The following PLCH1 variants were observed in gnomAD, a reference collection of about 807,000 sequenced individuals.
PLCH1 encodes the protein 1-phosphatidylinositol 4,5-bisphosphate phosphodiesterase eta-1.
In PLCH1, 60 loss-of-function variants were observed where a neutral mutation model predicts 126.7. The observed-to-expected ratio is 0.47, with a 90% CI of 0.38 to 0.59. The LOEUF is 0.59. Among genes scored for constraint, PLCH1 ranks in the 20% least tolerant of loss-of-function variants. The probability of loss-of-function intolerance (pLI) is 0.00; values close to 1 mark genes in which losing one functional copy is unlikely to be tolerated. For synonymous variants in PLCH1, 719 were observed against 734.9 expected (o/e 0.98, Z 0.35); for missense variants, 1,723 against 2,040.0 (o/e 0.84, Z 2.99).
chr3:155,498,486 G>A (rs1384724606), intron 14 of PLCH1, among the ~76,000 whole-genome samples: 1 of 152,192 alleles, frequency 6.6e-6, no homozygotes, highest in Non-Finnish European at 1.5e-5. Flanking sequence ...GAGTTCTGCT[G>A]TGGAAGGCTG....
chr3:155,653,784 C>T (rs1741051961), intron 2 of PLCH1, among the ~76,000 whole-genome samples: 1 of 152,098 alleles, frequency 6.6e-6, no homozygotes, highest in African/African-American at 2.4e-5. Context: ...TGCCTGTACA[C>T]TCCACTTCTT....
intron 2 of PLCH1, among the ~76,000 whole-genome samples, chr3:155,702,880 G>A (rs938870253): frequency 2.0e-5 from 3 of 152,172 alleles, no homozygotes; most frequent in Admixed American, 6.5e-5. Flanking sequence ...CTTGGCTGAG[G>A]CTAGAGAAAA....
chr3:155,573,648 G>A (rs1729549564), intron 6 of PLCH1, among the ~76,000 whole-genome samples: 1 of 152,170 alleles, frequency 6.6e-6, no homozygotes, highest in Non-Finnish European at 1.5e-5. Context: ...GGGTGAGGAT[G>A]AAATCTTCAA....
chr3:155,570,951 A>T (rs1444182144), intron 6 of PLCH1, among the ~76,000 whole-genome samples: 1 of 151,996 alleles, frequency 6.6e-6, no homozygotes, highest in Non-Finnish European at 1.5e-5. Flanking sequence ...CTTTTCCTTT[A>T]TTTACTGTAG....
At chr3:155,562,247 C>T (rs1727737468) in intron 8 of PLCH1, among the ~76,000 whole-genome samples, 1 of 152,216 alleles carries the variant, frequency 6.6e-6, no homozygotes, top group South Asian at 2.1e-4. Flanking sequence ...ATGATGCTCA[C>T]CCATGACACA....
At chr3:155,632,186 C>A (rs908817975) in intron 2 of PLCH1, among the ~76,000 whole-genome samples, 1 of 152,246 alleles carries the variant, frequency 6.6e-6, no homozygotes. Context: ...AAGAGCTGTG[C>A]TTGATGGCTG....
intron 6 of PLCH1, among the ~76,000 whole-genome samples, chr3:155,574,230 A>G (rs958652797): frequency 1.3e-5 from 2 of 152,002 alleles, no homozygotes; most frequent in African/African-American, 4.8e-5. Flanking sequence ...TACCTCTTAC[A>G]TACAGTTTTA....
At chr3:155,700,898 T>G (rs1221125969) in intron 2 of PLCH1, among the ~76,000 whole-genome samples, 1 of 152,214 alleles carries the variant, frequency 6.6e-6, no homozygotes, top group Non-Finnish European at 1.5e-5. Context: ...TCAAGATTTT[T>G]TTCTATTGCA....
intron 2 of PLCH1, among the ~76,000 whole-genome samples, chr3:155,683,469 G>A (rs989684182): frequency 2.6e-5 from 4 of 152,090 alleles, no homozygotes; most frequent in African/African-American, 9.7e-5. Context: ...TTTATACACA[G>A]GTGCTATAAG....
intron 2 of PLCH1, among the ~76,000 whole-genome samples, chr3:155,632,968 C>T (rs1288797052): frequency 6.6e-6 from 1 of 152,062 alleles, no homozygotes; most frequent in Non-Finnish European, 1.5e-5. Context: ...TTCCCTCCTA[C>T]TACTAACATT....
At chr3:155,458,488 AAGAAAGAAAG>A (rs1444444768) in intron 21 of PLCH1, among the ~76,000 whole-genome samples, 2,466 of 111,390 alleles carry the variant, frequency 0.022, 261 homozygotes, top group African/African-American at 0.12. Flanking sequence ...GAAAGAAAGA[AAGAAAGAAAG>A]AGAAAGAAGA....
chr3:155,731,056 C>A (rs879538793), intron 1 of PLCH1, among the ~76,000 whole-genome samples: 4 of 152,218 alleles, frequency 2.6e-5, no homozygotes, highest in Admixed American at 2.6e-4. Flanking sequence ...GCCTGGTGGA[C>A]TTGTTCTCCA....
intron 2 of PLCH1, chr3:155,676,045 T>C: frequency 6.5e-7 from 1 of 1,535,738 alleles, no homozygotes. Flanking sequence ...GCCATTAAAT[T>C]TAATACTATT....
chr3:155,502,003 T>C (rs1249127514), intron 13 of PLCH1, among the ~76,000 whole-genome samples: 1 of 147,806 alleles, frequency 6.8e-6, no homozygotes, highest in African/African-American at 2.6e-5. Flanking sequence ...TTTCTCATGC[T>C]TCTCCTAAAC....
intron 21 of PLCH1, among the ~76,000 whole-genome samples, chr3:155,471,196 C>G (rs1168361085): frequency 1.3e-4 from 20 of 152,096 alleles, no homozygotes; most frequent in African/African-American, 4.1e-4. Flanking sequence ...CACGTGCAGA[C>G]ACACACATAG....
In PLCH1 at chr3:155,577,376, T is replaced by G. The variant is rs149915548; in HGVS notation, c.771+6096A>C. Among the ~76,000 whole-genome samples, 461 of 152,278 alleles carry G rather than the reference T, an allele frequency of 3.0e-3. 2 individuals are homozygous for G. The highest frequency in any genetic ancestry group is 0.02 in the South Asian group (96 of 4,824). On this transcript the variant is annotated intron_variant, in intron 6 of 22. Transcript: ENST00000460012. ...AGGTTTCAAGTGTTTTACTCATTTT[T>G]CCATTGTTTTTTTTTTCCTCAATGG...
At position 155,493,543 on chromosome 3, in the gene PLCH1, A is replaced by G. The variant is rs543625185; in HGVS notation, c.2182+598T>C. Among the ~76,000 whole-genome samples the G allele has an allele frequency of 4.6e-5, 7 of 152,182 alleles. No individual in the cohort carries two copies. The East Asian group carries it at 1.4e-3, about 29-fold the overall frequency. ...GCTGGGACTACAGGCACGCACCACT[A>G]TGCCCAGCTAATTCTGATTTTCAGT... On this transcript the variant is annotated intron_variant, in intron 17 of 22. Transcript: ENST00000460012.
intron 6 of PLCH1, among the ~76,000 whole-genome samples, chr3:155,578,632 TG>T (rs1448899349): frequency 6.6e-6 from 1 of 152,172 alleles, no homozygotes; most frequent in Non-Finnish European, 1.5e-5. Context: ...TGCCAGGAAC[TG>T]GAACAAAGAC....
chr3:155,723,578 T>C lies in PLCH1; in HGVS notation c.-40-19314A>G, dbSNP rs550412604. On this transcript the variant is annotated intron_variant, in intron 1 of 22. Transcript: ENST00000460012. ...GATTTAGGTATTTAATGCTATGAAC[T>C]TTCCTCTTAGCATTGCCTTTGTTGT... Among the ~76,000 whole-genome samples, 4 of 152,284 alleles carry C rather than the reference T, an allele frequency of 2.6e-5. No individual in the cohort carries two copies. In the East Asian group the frequency reaches 7.7e-4, roughly 29 times the overall value.
Sources: allele counts gnomAD v4.1 joint callset (sites outside exome capture counted in the v4.1 genomes callset), GRCh38; gene constraint gnomAD v4.1.1; transcripts MANE v1.5; gene names NCBI Gene and HGNC (gene_info 2026-07-23, HGNC 2026-07-21).